The following PCNX4 variants were observed in gnomAD, a reference collection of about 807,000 sequenced individuals.
PCNX4 encodes the protein pecanex-like protein 4.
Under a neutral mutation model 107.2 loss-of-function variants are expected in PCNX4, and 103 were observed. The observed-to-expected ratio is 0.96, with a 90% CI of 0.82 to 1.13. PCNX4 has a LOEUF of 1.13. PCNX4 is among the 50% of genes most tolerant of loss of function. PCNX4 has a pLI of 0.00. For missense variants in PCNX4, 1,528 were observed against 1,379.4 expected (o/e 1.11, Z -1.71); for synonymous variants, 541 against 481.7 (o/e 1.12, Z -1.61).
intron 1 of PCNX4, among the ~76,000 whole-genome samples, chr14:60,103,059 T>C (rs1051060761): frequency 2.0e-5 from 3 of 152,178 alleles, no homozygotes; most frequent in African/African-American, 7.2e-5. Context: ...GAAACACCCA[T>C]ACTTTAAATC....
intron 10 of PCNX4, among the ~76,000 whole-genome samples, chr14:60,131,647 C>T (rs968420054): frequency 2.0e-5 from 3 of 152,166 alleles, no homozygotes; most frequent in Non-Finnish European, 4.4e-5. Context: ...ACAGATTCAA[C>T]ACAGTCCTTT....
chr14:60,147,973 C>G lies in PCNX4; in HGVS notation c.*13752C>G, dbSNP rs1183576603. 1 of 152,220 alleles carries G rather than the reference C, an allele frequency of 6.6e-6. No homozygotes were observed. Among genetic ancestry groups the G allele is most frequent in the African/African-American group, 2.4e-5 (1 of 41,442 alleles). The allele number at this position is 152,220 out of a possible 1,614,324, so 9.4% of individuals were successfully genotyped here. On this transcript the variant is annotated 3_prime_UTR_variant, in exon 11 of 11. Coordinates refer to ENST00000406854, the MANE Select transcript of PCNX4 (RefSeq NM_001330177.2). ...TCTACCTTTAGAGCTTCTACCCACA[C>G]TACCAAGTCCCAACAATACCAAAAC...
rs754281307 is a variant in PCNX4, at chr14:60,125,626, A to AT, written c.3081-3dup. The stretch of plus-strand genomic sequence containing the variant: ...ATATTCTAAAATTCTTCGGTTCTCC[A>AT]TTTTTTTTAGGTATACTCTGAAACT... On this transcript the variant is annotated splice_polypyrimidine_tract_variant and intron_variant, in intron 9 of 10. Transcript: ENST00000406854. 2.8e-5 allele frequency: 41 copies of AT among 1,447,690 alleles called. No homozygotes were observed. The highest frequency in any genetic ancestry group is 7.5e-5 in the South Asian group (5 of 66,954). 89.7% of individuals were successfully genotyped at this position (1,447,690 alleles called of 1,614,324 possible).
Position 60,139,022 on chromosome 14 carries a change from C to T in PCNX4, c.*4801C>T, listed in dbSNP as rs1381705099. ...ATAAAACAATCGTAGAACTACAAAG[C>T]TAATACAGGGCTAAAGTGGAATAAT... On this transcript the variant is annotated 3_prime_UTR_variant, in exon 11 of 11. Transcript: ENST00000406854. The T allele has an allele frequency of 6.6e-6, 1 of 151,796 alleles. No individual in the cohort carries two copies. Among genetic ancestry groups the T allele is most frequent in the Non-Finnish European group, 1.5e-5 (1 of 67,866 alleles). The allele number at this position is 151,796 out of a possible 1,614,324, so 9.4% of individuals were successfully genotyped here.
chr14:60,145,088 G>A lies in PCNX4; in HGVS notation c.*10867G>A. The A allele has an allele frequency of 1.0e-6, 1 of 977,762 alleles. No individual in the cohort carries two copies. Among genetic ancestry groups the A allele is most frequent in the Non-Finnish European group, 1.5e-6 (1 of 683,302 alleles). The allele number at this position is 977,762 out of a possible 1,614,324, so 60.6% of individuals were successfully genotyped here. On this transcript the variant is annotated 3_prime_UTR_variant, in exon 11 of 11. Transcript: ENST00000406854. The surrounding 1 kb of genome is among the most constrained non-coding windows in gnomAD (Gnocchi z 4.0). The stretch of plus-strand genomic sequence containing the variant: ...CAGTTTTTAACATTTAAGTCCTTCT[G>A]TTTTGAGGAGCTGTATCATTATGAT...
intron 2 of PCNX4, among the ~76,000 whole-genome samples, chr14:60,112,117 G>A (rs761452620): frequency 6.6e-6 from 1 of 152,158 alleles, no homozygotes; most frequent in Admixed American, 6.5e-5. Context: ...TAGTACAGTT[G>A]TATAATAATA....
At chr14:60,133,675 C>T in intron 10 of PCNX4, 1 of 555,422 alleles carries the variant, frequency 1.8e-6, no homozygotes, top group South Asian at 1.5e-5. Context: ...CTATGCATCG[C>T]TGAGGCAACA....
At position 60,140,998 on chromosome 14, in the gene PCNX4, G is replaced by A. The variant is rs1896300235; in HGVS notation, c.*6777G>A. 2 of 152,132 alleles carry A rather than the reference G, an allele frequency of 1.3e-5. No individual in the cohort carries two copies. The highest frequency in any genetic ancestry group is 4.8e-5 in the African/African-American group (2 of 41,410). 9.4% of individuals were successfully genotyped at this position (152,132 alleles called of 1,614,324 possible). On this transcript the variant is annotated 3_prime_UTR_variant, in exon 11 of 11. Transcript: ENST00000406854. The surrounding 1 kb of genome is among the most constrained non-coding windows in gnomAD (Gnocchi z 4.2). ...AGTGGCCAAATACTGCATAGGCAAG[G>A]GACAGGGAAAATTAATTTTCCCTAC...
At position 60,136,387 on chromosome 14, in the gene PCNX4, T is replaced by C. The variant is rs1056128418; in HGVS notation, c.*2166T>C. On this transcript the variant is annotated 3_prime_UTR_variant, in exon 11 of 11. Transcript: ENST00000406854. ...TCTGCAATCACCATAGATAATCTCATCTACTTCAAGACTTGAAATATCATC... is the reference window on the plus strand; with the variant it reads ...TCTGCAATCACCATAGATAATCTCACCTACTTCAAGACTTGAAATATCATC... 1 of 152,210 alleles carries C rather than the reference T, an allele frequency of 6.6e-6. No individual in the cohort carries two copies. Among genetic ancestry groups the C allele is most frequent in the East Asian group, 1.9e-4 (1 of 5,194 alleles). 9.4% of individuals were successfully genotyped at this position (152,210 alleles called of 1,614,324 possible). A position where few individuals can be genotyped will look rare whatever the true frequency, so the allele number is the denominator to read the frequency against.
intron 2 of PCNX4, among the ~76,000 whole-genome samples, chr14:60,111,447 G>A (rs1033289396): frequency 6.6e-6 from 1 of 152,060 alleles, no homozygotes. Flanking sequence ...ATATATTCCA[G>A]TTAAATACTT....
At chr14:60,126,822 A>T (rs1896064263) in intron 10 of PCNX4, among the ~76,000 whole-genome samples, 1 of 152,156 alleles carries the variant, frequency 6.6e-6, no homozygotes, top group Admixed American at 6.6e-5. Flanking sequence ...ATGCCACTGA[A>T]AATACTGGGG....
intron 1 of PCNX4, among the ~76,000 whole-genome samples, chr14:60,105,614 AT>A (rs1555392739): frequency 6.6e-6 from 1 of 152,226 alleles, no homozygotes; most frequent in Non-Finnish European, 1.5e-5. Flanking sequence ...TGTTTCTACA[AT>A]AATAACACTT....
chr14:60,116,205 G>C (rs1895845803), intron 6 of PCNX4, 145 bp downstream of exon 6: 1 of 779,116 alleles, frequency 1.3e-6, no homozygotes. Context: ...AACCTCAACT[G>C]TTATTTCCCA....
At chr14:60,116,955 AAAC>A (rs1379988360) in intron 6 of PCNX4, among the ~76,000 whole-genome samples, 2 of 152,184 alleles carry the variant, frequency 1.3e-5, no homozygotes, top group Non-Finnish European at 2.9e-5. Flanking sequence ...AAATAGAAAA[AAAC>A]TTATAGAATA....
chr14:60,118,801 C>G, intron 7 of PCNX4, 109 bp downstream of exon 7: 1 of 1,228,210 alleles, frequency 8.1e-7, no homozygotes, highest in Non-Finnish European at 1.1e-6. Context: ...AGCATAACAA[C>G]CATAACAATT....
chr14:60,128,137 G>T (rs1033949104), intron 10 of PCNX4, among the ~76,000 whole-genome samples: 10 of 151,440 alleles, frequency 6.6e-5, no homozygotes, highest in African/African-American at 2.4e-4. Context: ...ACTTAGTATC[G>T]GAAGGAGAGG....
Position 60,144,065 on chromosome 14 carries a change from T to C in PCNX4, c.*9844T>C, listed in dbSNP as rs1595186631. On this transcript the variant is annotated 3_prime_UTR_variant, in exon 11 of 11. Transcript: ENST00000406854. ...CTATCAAGGTAGGTAATACCATCTA[T>C]CTTAGTGGGCTGTTATGAGGAATGA... is the stretch of plus-strand genomic sequence containing the variant. 1 of 152,192 alleles carries C rather than the reference T, an allele frequency of 6.6e-6. No individual in the cohort carries two copies. Among genetic ancestry groups the C allele is most frequent in the East Asian group, 1.9e-4 (1 of 5,202 alleles). 9.4% of individuals were successfully genotyped at this position (152,192 alleles called of 1,614,324 possible). A position where few individuals can be genotyped will look rare whatever the true frequency, so the allele number is the denominator to read the frequency against.
Position 60,107,928 on chromosome 14 carries a change from A to T in PCNX4, c.290A>T (p.Lys97Ile). ...TTCACAAGTTTATACGCCAAAAACA[A>T]ATCAACAACAGTAGAAAGAATACTA... Reference protein sequence around the residue: ...IQFTSLYAKNKSTTVERILTT... With the variant: ...IQFTSLYAKNISTTVERILTT... Residue 97 changes from lysine (K) to isoleucine (I), a missense_variant, in exon 2 of 11, where the codon AAA becomes ATA. Physicochemically the swap from Lys to Ile is moderately radical, Grantham distance 102. Transcript: ENST00000406854. The T allele has an allele frequency of 6.2e-7, 1 of 1,612,894 alleles. No individual in the cohort carries two copies. Among genetic ancestry groups the T allele is most frequent in the South Asian group, 1.1e-5 (1 of 91,076 alleles).
rs751378459 is a variant in PCNX4 at position 60,121,272 on chromosome 14, C to A, written c.2019C>A (p.Gly673=). 2 of 1,601,148 alleles carry A rather than the reference C, an allele frequency of 1.2e-6. No individual in the cohort carries two copies. The highest frequency in any genetic ancestry group is 1.7e-6 in the Non-Finnish European group (2 of 1,173,812). The change falls in exon 8 of 11, where the codon GGC becomes GGA. Residue 673 remains glycine, a synonymous_variant. Coordinates refer to ENST00000406854, the MANE Select transcript of PCNX4 (RefSeq NM_001330177.2). ...RLMWIMILEC[G]YTYCSINIKG... Reference sequence around the variant, plus strand: ...TGTGGATAATGATTCTGGAATGTGGCTATACTTACTGCTCTATTAACATTA... The same window carrying A: ...TGTGGATAATGATTCTGGAATGTGGATATACTTACTGCTCTATTAACATTA...
Sources: allele counts gnomAD v4.1 joint callset (sites outside exome capture counted in the v4.1 genomes callset), GRCh38; gene constraint gnomAD v4.1.1; non-coding constraint Gnocchi (gnomAD v3.1); transcripts MANE v1.5; gene names NCBI Gene and HGNC (gene_info 2026-07-23, HGNC 2026-07-21).